PCLO: variants seen among roughly 807,000 people sequenced by gnomAD.
PCLO encodes the protein protein piccolo.
Under a neutral mutation model 427.5 loss-of-function variants are expected in PCLO, and 82 were observed. The ratio of observed to expected loss-of-function variants is 0.19; its 90% CI spans 0.16 to 0.23. The LOEUF (loss-of-function observed/expected upper bound fraction) is 0.23, where lower values mean the gene tolerates loss of function less well. PCLO is among the 10% of genes least tolerant of loss of function. The pLI, the probability that PCLO is intolerant of heterozygous loss-of-function variation, is 1.00. For synonymous variants in PCLO, 2,357 were observed against 2,155.4 expected, an observed-to-expected ratio of 1.09 and a Z score of -2.59; for missense variants, 6,239 against 6,115.9, an observed-to-expected ratio of 1.02 and a Z score of -0.67.
At chr7:82,775,442 T>A (rs373618146) in intron 22 of PCLO, among the ~76,000 whole-genome samples, 2 of 152,172 alleles carry the variant, frequency 1.3e-5, no homozygotes, top group South Asian at 2.1e-4. Flanking sequence ...AATGGGTGTG[T>A]AGGGGTATAT....
At chr7:82,849,767 A>G (rs981907888) in intron 10 of PCLO, among the ~76,000 whole-genome samples, 9 of 152,132 alleles carry the variant, frequency 5.9e-5, no homozygotes, top group African/African-American at 2.2e-4. Flanking sequence ...TCAATAATGT[A>G]TCTTGTCATT....
At chr7:83,012,923 C>G (rs940364010) in intron 3 of PCLO, among the ~76,000 whole-genome samples, 11 of 152,066 alleles carry the variant, frequency 7.2e-5, no homozygotes, top group Non-Finnish European at 1.6e-4. Context: ...TGATGGAGTT[C>G]AACCAATGCA....
chr7:82,999,255 T>C (rs1439866691), intron 3 of PCLO, among the ~76,000 whole-genome samples: 3 of 144,262 alleles, frequency 2.1e-5, no homozygotes, highest in East Asian at 2.0e-4. Context: ...TATATGGATA[T>C]ATAATAAATA....
intron 22 of PCLO, among the ~76,000 whole-genome samples, chr7:82,800,930 A>T (rs1415452703): frequency 6.6e-6 from 1 of 151,962 alleles, no homozygotes; most frequent in Non-Finnish European, 1.5e-5. Flanking sequence ...TAAGCTTGTC[A>T]TCGTAAAGCT....
In PCLO at chr7:82,956,065, G is replaced by A; in HGVS notation, c.4888C>T (p.His1630Tyr). ...DEDAGRRHSW[H>Y]DEDDEAFDES... Reference sequence around the variant, plus strand: ...TCAAATGCTTCATCGTCTTCATCATGCCATGAGTGACGTCTTCCTGCATCT... The same window carrying A: ...TCAAATGCTTCATCGTCTTCATCATACCATGAGTGACGTCTTCCTGCATCT... The change falls in exon 5 of 25, where the codon CAT (histidine) becomes TAT (tyrosine). Residue 1630 changes from histidine to tyrosine, a missense_variant. By Grantham distance (83) the His-to-Tyr change is moderately conservative (BLOSUM62 2). Transcript: ENST00000333891. 5.0e-6 allele frequency: 8 copies of A among 1,612,392 alleles called. No homozygotes were observed. The highest frequency in any genetic ancestry group is 6.8e-6 in the Non-Finnish European group (8 of 1,179,842).
intron 9 of PCLO, among the ~76,000 whole-genome samples, chr7:82,891,829 G>C (rs1321698228): frequency 6.6e-6 from 1 of 151,950 alleles, no homozygotes; most frequent in East Asian, 1.9e-4. Context: ...TTCATATGCT[G>C]GATTACATTT....
chr7:82,902,327 C>CA (rs1158422230), intron 9 of PCLO, among the ~76,000 whole-genome samples: 5 of 150,442 alleles, frequency 3.3e-5, no homozygotes, highest in African/African-American at 1.2e-4. Context: ...ATCGCAAGGA[C>CA]AAAAAACCAA....
chr7:82,905,116 T>C (rs960422776), intron 8 of PCLO, among the ~76,000 whole-genome samples: 1 of 152,028 alleles, frequency 6.6e-6, no homozygotes, highest in African/African-American at 2.4e-5. Context: ...GCAGAACTGA[T>C]GTCAAGTGGT....
rs1195980206 is a variant in PCLO at position 82,758,273 on chromosome 7, AC to A, written c.*301del. The A allele has an allele frequency of 1.3e-5, 3 of 223,554 alleles. No homozygotes were observed. The East Asian group carries it at 2.9e-4, about 22-fold the overall frequency. The allele number at this position is 223,554 out of a possible 1,614,324, so 13.8% of individuals were successfully genotyped here. A position where few individuals can be genotyped will look rare whatever the true frequency, so the allele number is the denominator to read the frequency against. Reference sequence around the variant, plus strand: ...TGAGCCTGTCTTAAGCTATAGCTCAACTCTACTCAAAGATTATTGTCTTAAG... The same window carrying A: ...TGAGCCTGTCTTAAGCTATAGCTCAATCTACTCAAAGATTATTGTCTTAAG... On this transcript the variant is annotated 3_prime_UTR_variant, in exon 25 of 25. Transcript: ENST00000333891.
At chr7:82,851,377 T>A (rs1337686081) in intron 10 of PCLO, among the ~76,000 whole-genome samples, 1 of 151,822 alleles carries the variant, frequency 6.6e-6, no homozygotes, top group Non-Finnish European at 1.5e-5. Context: ...TTTGCCAAGT[T>A]AAAAACAAGT....
At chr7:82,800,879 C>T (rs1205538685) in intron 22 of PCLO, among the ~76,000 whole-genome samples, 2 of 151,878 alleles carry the variant, frequency 1.3e-5, no homozygotes, top group African/African-American at 4.8e-5. Flanking sequence ...GCCACCGTGC[C>T]CAGCCAGGGA....
chr7:82,799,611 C>T (rs1791300086), intron 22 of PCLO, among the ~76,000 whole-genome samples: 1 of 152,130 alleles, frequency 6.6e-6, no homozygotes, highest in South Asian at 2.1e-4. Context: ...AGTAGCTGCC[C>T]TGTACAGTTT....
intron 3 of PCLO, 52 bp downstream of exon 3, chr7:83,134,196 CCA>C (rs1791646620): frequency 3.7e-6 from 2 of 546,184 alleles, no homozygotes; most frequent in Non-Finnish European, 5.2e-6. Flanking sequence ...CAAAATAAAC[CCA>C]CAGACTCACC....
intron 3 of PCLO, among the ~76,000 whole-genome samples, chr7:83,108,056 G>A (rs1470577878): frequency 6.7e-6 from 1 of 149,300 alleles, no homozygotes; most frequent in Non-Finnish European, 1.5e-5. Flanking sequence ...AATTATAATA[G>A]TTTTTAAATA....
intron 3 of PCLO, among the ~76,000 whole-genome samples, chr7:83,024,471 G>A (rs542081223): frequency 7.9e-5 from 12 of 152,226 alleles, no homozygotes; most frequent in East Asian, 5.8e-4. Flanking sequence ...ACGGAGTCTC[G>A]CTGATTGCTA....
rs762677785 is a variant in PCLO, at chr7:83,155,482, C to A, written c.1159G>T (p.Gly387Trp). Residue 387 changes from glycine to tryptophan, a missense_variant, in exon 2 of 25, where the codon GGG (glycine) becomes TGG (tryptophan). Gly to Trp is a radical substitution (Grantham distance 184, BLOSUM62 -2). Transcript: ENST00000333891. ...GGAGGCTGAGCTAAAGCCTTTGGCCCAGGCTGCTCCGATGAAGGCTTCTCT... is the reference window on the plus strand; with the variant it reads ...GGAGGCTGAGCTAAAGCCTTTGGCCAAGGCTGCTCCGATGAAGGCTTCTCT... The part of the protein sequence containing the change: ...GSEKPSSEQP[G>W]PKALAQPPGV... 8 of 1,612,954 alleles carry A rather than the reference C, an allele frequency of 5.0e-6. No individual in the cohort carries two copies. The South Asian group carries it at 7.7e-5, about 16-fold the overall frequency.
At position 82,940,917 on chromosome 7, in the gene PCLO, C is replaced by T. The variant is rs142581260; in HGVS notation, c.11112+8559G>A. On this transcript the variant is annotated intron_variant, in intron 6 of 24. Transcript: ENST00000333891. Reference sequence around the variant, plus strand: ...AGCTGGGACTACAGGTGCTTGCCACCACGCCCGGCTAATTTTTTGTATTTT... The same window carrying T: ...AGCTGGGACTACAGGTGCTTGCCACTACGCCCGGCTAATTTTTTGTATTTT... Among the ~76,000 whole-genome samples the T allele has an allele frequency of 6.5e-3, 988 of 151,578 alleles. 9 individuals are homozygous for T. The highest frequency in any genetic ancestry group is 0.023 in the African/African-American group (937 of 41,330).
intron 6 of PCLO, among the ~76,000 whole-genome samples, chr7:82,919,759 T>C (rs541288577): frequency 4.6e-5 from 7 of 151,984 alleles, no homozygotes; most frequent in East Asian, 3.9e-4. Flanking sequence ...TTTGGTTAAA[T>C]TGTAAATATG....
At position 82,999,730 on chromosome 7, in the gene PCLO, A is replaced by T. The variant is rs199793378; in HGVS notation, c.3301-33243T>A. Among the ~76,000 whole-genome samples the T allele has an allele frequency of 7.1e-3, 107 of 15,090 alleles. 31 individuals carry two copies. The highest frequency in any genetic ancestry group is 0.019 in the East Asian group (2 of 104). 9.9% of individuals were successfully genotyped at this position (15,090 alleles called of 152,430 possible). On this transcript the variant is annotated intron_variant, in intron 3 of 24. Transcript: ENST00000333891. ...ATATAAAATATAATATATAATATTA[A>T]ATATAAAATATAATATATAATATTA... is the stretch of plus-strand genomic sequence containing the variant.
Sources: gnomAD v4.1 joint callset for allele counts (sites outside exome capture counted in the v4.1 genomes callset) on GRCh38, gnomAD v4.1.1 for gene constraint, MANE v1.5 for transcripts, NCBI Gene and HGNC (gene_info 2026-07-23, HGNC 2026-07-21) for gene names.